The following NEMP1 variants were observed in gnomAD, a reference collection of about 807,000 sequenced individuals.
NEMP1 encodes the protein nuclear envelope integral membrane protein 1.
NEMP1 carries 29 observed loss-of-function variants against 53.7 expected under a neutral mutation model. The observed-to-expected ratio is 0.54, with a 90% CI of 0.40 to 0.74. The LOEUF is 0.74. Ranked by LOEUF, NEMP1 falls within the 30% of genes least tolerant of loss-of-function variation. NEMP1 has a pLI of 0.00. For synonymous variants in NEMP1, 193 were observed against 192.9 expected (o/e 1.00, Z 0.00); for missense variants, 477 against 528.6 (o/e 0.90, Z 0.96).
chr12:57,060,032 G>A lies in NEMP1; in HGVS notation c.1182C>T (p.Ser394=), dbSNP rs755834998. The change falls in exon 9 of 9, where the codon TCC becomes TCT. Residue 394 remains serine (S), a synonymous_variant. Coordinates refer to ENST00000300128, the MANE Select transcript of NEMP1 (RefSeq NM_001130963.2). The stretch of plus-strand genomic sequence containing the variant: ...CAGAAACTTCATTTGGCGTGAGGTG[G>A]GAAGAGCCTTCCACAAAGTCAGCAA... The part of the protein sequence containing the change: ...KRFADFVEGS[S]HLTPNEVSVH... 6 of 1,613,714 alleles carry A rather than the reference G, an allele frequency of 3.7e-6. No individual in the cohort carries two copies. The South Asian group carries it at 6.6e-5, about 18-fold the overall frequency.
upstream of NEMP1, among the ~76,000 whole-genome samples, chr12:57,083,248 G>A (rs2032900722): frequency 1.3e-5 from 2 of 152,118 alleles, no homozygotes; most frequent in African/African-American, 4.8e-5. Flanking sequence ...TAAATGAAGT[G>A]TATGGTAATG....
Position 57,059,974 on chromosome 12 carries a change from T to C in NEMP1, c.1240A>G (p.Ile414Val). The change falls in exon 9 of 9, where the codon ATT becomes GTT. Residue 414 changes from isoleucine to valine, a missense_variant. Ile to Val is a conservative substitution (Grantham distance 29). Transcript: ENST00000300128. The stretch of plus-strand genomic sequence containing the variant: ...TCCTCATAGATTTCATCCTGGGCAA[T>C]AATGCTCCCTAATCCATACTCCTGC... ...HEQEYGLGSI[I>V]AQDEIYEEAS... 4 of 1,613,652 alleles carry C rather than the reference T, an allele frequency of 2.5e-6. No homozygotes were observed. Among genetic ancestry groups the C allele is most frequent in the Non-Finnish European group, 3.4e-6 (4 of 1,179,954 alleles).
At chr12:57,082,857 CAA>C (rs774695997), upstream of NEMP1, among the ~76,000 whole-genome samples, 14 of 134,208 alleles carry the variant, frequency 1.0e-4, no homozygotes, top group African/African-American at 2.2e-4. Context: ...ACAAAGAATA[CAA>C]AAAAAAAAAA....
At position 57,069,252 on chromosome 12, in the gene NEMP1, C is replaced by T. The variant is rs778839804; in HGVS notation, c.527G>A (p.Cys176Tyr). 1.4e-5 allele frequency: 22 copies of T among 1,546,688 alleles called. No homozygotes were observed. Among genetic ancestry groups the T allele is most frequent in the East Asian group, 2.4e-5 (1 of 40,842 alleles). ...AACCTACCTGCTCAGCAAGTCTCCACAAAAAAATAGCATAAGTCCAAGAAG... is the reference window on the plus strand; with the variant it reads ...AACCTACCTGCTCAGCAAGTCTCCATAAAAAAATAGCATAAGTCCAAGAAG... ...VFLLGLMLFFCGDLLSRSQIF... is the reference protein window; with the variant it reads ...VFLLGLMLFFYGDLLSRSQIF... The change falls in exon 4 of 9, where the codon TGT becomes TAT. Residue 176 changes from cysteine (C) to tyrosine (Y), a missense_variant. By Grantham distance (194) the Cys-to-Tyr change is radical (BLOSUM62 -2). Transcript: ENST00000300128.
upstream of NEMP1, among the ~76,000 whole-genome samples, chr12:57,079,732 A>C (rs2032786841): frequency 6.6e-6 from 1 of 152,200 alleles, no homozygotes; most frequent in African/African-American, 2.4e-5. Flanking sequence ...GGAAGGGGGC[A>C]TCTCCTGGGG....
At position 57,063,333 on chromosome 12, in the gene NEMP1, T is replaced by A. The variant is rs758908988; in HGVS notation, c.766A>T (p.Thr256Ser). The change falls in exon 7 of 9, where the codon ACA becomes TCA. Residue 256 changes from threonine to serine, a missense_variant. Thr to Ser is a moderately conservative substitution (Grantham distance 58). Coordinates refer to ENST00000300128, the MANE Select transcript of NEMP1 (RefSeq NM_001130963.2). ...YWQYLLSYVL[T>S]VGFMSFAVCY... is the part of the protein sequence containing the mutation. ...ACTGCAAAACTCATGAATCCAACTG[T>A]GAGGACATAACCTATGAGAAGAGTT... 2.2e-5 allele frequency: 36 copies of A among 1,613,938 alleles called. No homozygotes were observed. In the Admixed American group the frequency reaches 3.8e-4, roughly 17 times the overall value.
chr12:57,082,298 G>T (rs929472399), upstream of NEMP1, among the ~76,000 whole-genome samples: 9 of 152,172 alleles, frequency 5.9e-5, no homozygotes, highest in African/African-American at 1.9e-4. Context: ...TTTCAATACT[G>T]TTTCATTAAT....
chr12:57,069,149 G>T, intron 4 of NEMP1, 85 bp downstream of exon 4: 2 of 849,888 alleles, frequency 2.4e-6, no homozygotes, highest in Non-Finnish European at 3.5e-6. Context: ...CTGGAAATGG[G>T]AATGGCAGTA....
At chr12:57,063,009 T>A in intron 7 of NEMP1, 110 bp downstream of exon 7, 1 of 802,014 alleles carries the variant, frequency 1.2e-6, no homozygotes, top group Non-Finnish European at 2.1e-6. Flanking sequence ...TACAATACAA[T>A]GACTTTTCAT....
chr12:57,080,484 C>A (rs1354586760), upstream of NEMP1, among the ~76,000 whole-genome samples: 4 of 151,332 alleles, frequency 2.6e-5, no homozygotes, highest in Admixed American at 2.6e-4. Flanking sequence ...GAGGCTGAGG[C>A]AGGAGAATCC....
intron 1 of NEMP1, among the ~76,000 whole-genome samples, chr12:57,084,021 G>C (rs1319541868): frequency 6.6e-6 from 1 of 151,900 alleles, no homozygotes; most frequent in Admixed American, 6.6e-5. Flanking sequence ...GGAGTGCGAT[G>C]GCGCGATCTC....
intron 1 of NEMP1, among the ~76,000 whole-genome samples, chr12:57,074,429 T>G (rs746178027): frequency 7.9e-5 from 12 of 152,072 alleles, no homozygotes; most frequent in Non-Finnish European, 1.5e-4. Flanking sequence ...GTAGCTGGCA[T>G]TACAGGCATG....
chr12:57,068,502 C>T (rs1190567726), intron 4 of NEMP1, among the ~76,000 whole-genome samples: 1 of 152,086 alleles, frequency 6.6e-6, no homozygotes, highest in Non-Finnish European at 1.5e-5. Context: ...AGGCACATAC[C>T]ACCACGTCCA....
intron 4 of NEMP1, among the ~76,000 whole-genome samples, chr12:57,068,130 T>C (rs1303219609): frequency 6.6e-6 from 1 of 152,068 alleles, no homozygotes; most frequent in Non-Finnish European, 1.5e-5. Flanking sequence ...ATCACCAAAA[T>C]AACAACTTCC....
At chr12:57,081,293 G>C (rs2032839561), upstream of NEMP1, among the ~76,000 whole-genome samples, 1 of 151,996 alleles carries the variant, frequency 6.6e-6, no homozygotes, top group South Asian at 2.1e-4. Flanking sequence ...GAGCAGGCTG[G>C]AGTGCAATGG....
At chr12:57,075,043 C>G (rs1052027275) in intron 1 of NEMP1, among the ~76,000 whole-genome samples, 12 of 151,426 alleles carry the variant, frequency 7.9e-5, no homozygotes, top group African/African-American at 2.9e-4. Context: ...GAGCCGAGAT[C>G]GCGCCTCTGC....
intron 4 of NEMP1, 90 bp from the exon 5 acceptor site, chr12:57,064,829 T>C (rs571782510): frequency 1.0e-6 from 1 of 956,186 alleles, no homozygotes; most frequent in Non-Finnish European, 1.6e-6. Flanking sequence ...GCCGAAAGAT[T>C]TTAAAAGGTA....
chr12:57,071,226 A>G (rs2032330456), intron 2 of NEMP1, among the ~76,000 whole-genome samples: 1 of 152,248 alleles, frequency 6.6e-6, no homozygotes, highest in African/African-American at 2.4e-5. Flanking sequence ...GCAAAGGTCT[A>G]TAATATTAAG....
chr12:57,063,701 G>C (rs779396009), intron 6 of NEMP1, among the ~76,000 whole-genome samples: 15 of 152,260 alleles, frequency 9.9e-5, no homozygotes, highest in East Asian at 5.8e-4. Flanking sequence ...ATCTACAGCA[G>C]TTCATTCAGA....
Sources: gnomAD v4.1 joint callset for allele counts (sites outside exome capture counted in the v4.1 genomes callset) on GRCh38, gnomAD v4.1.1 for gene constraint, MANE v1.5 for transcripts, NCBI Gene and HGNC (gene_info 2026-07-23, HGNC 2026-07-21) for gene names.